GABBR2: variants seen among roughly 807,000 people sequenced by gnomAD.
The protein encoded by GABBR2 is gamma-aminobutyric acid type B receptor subunit 2.
GABBR2 carries 23 observed loss-of-function variants against 105.6 expected under a neutral mutation model. The observed-to-expected ratio is 0.22, with a 90% CI of 0.16 to 0.31. The LOEUF (loss-of-function observed/expected upper bound fraction) is 0.31. GABBR2 is among the 10% of genes least tolerant of loss of function. The pLI, the probability that GABBR2 is intolerant of heterozygous loss-of-function variation, is 1.00. For missense variants in GABBR2, 734 were observed against 1,245.5 expected (o/e 0.59, Z 6.18); for synonymous variants, 478 against 499.7 (o/e 0.96, Z 0.58).
At chr9:98,560,924 T>G (rs1828665814) in intron 2 of GABBR2, among the ~76,000 whole-genome samples, 1 of 151,862 alleles carries the variant, frequency 6.6e-6, no homozygotes, top group South Asian at 2.1e-4. Context: ...TTGGAAAGAA[T>G]GAAATTATCC....
intron 2 of GABBR2, among the ~76,000 whole-genome samples, chr9:98,573,797 C>T (rs923799121): frequency 2.6e-5 from 4 of 152,126 alleles, no homozygotes; most frequent in African/African-American, 7.2e-5. Flanking sequence ...CCTACTCTTG[C>T]CCCCTGGTGA....
intron 3 of GABBR2, among the ~76,000 whole-genome samples, chr9:98,532,561 C>T (rs1256820173): frequency 1.3e-5 from 2 of 152,186 alleles, no homozygotes; most frequent in South Asian, 4.1e-4. Flanking sequence ...GCTCAGCCCT[C>T]CAAGTGTGCT....
At chr9:98,675,456 G>A (rs1830464424) in intron 1 of GABBR2, among the ~76,000 whole-genome samples, 1 of 152,186 alleles carries the variant, frequency 6.6e-6, no homozygotes, top group Non-Finnish European at 1.5e-5. Context: ...GGACACAGGG[G>A]AGGGCCAAGG....
chr9:98,440,336 A>G (rs1433931256), intron 7 of GABBR2, among the ~76,000 whole-genome samples: 1 of 152,216 alleles, frequency 6.6e-6, no homozygotes, highest in Non-Finnish European at 1.5e-5. Flanking sequence ...TGTTTTACAG[A>G]TAAGAAACTG....
In GABBR2 at chr9:98,306,425, T is replaced by G. The variant is rs1588091323; in HGVS notation, c.2005-80A>C. ...CAGGCTGCTCTGAGAAGCTGTGGAG[T>G]GGAGGGTTACTCAGGAGGTGGGCTG... On this transcript the variant is annotated intron_variant, in intron 14 of 18. Transcript: ENST00000259455. This position sits in a 1 kb window ranked among gnomAD's most constrained non-coding sequence, Gnocchi z 5.4. The G allele has an allele frequency of 8.6e-6, 6 of 696,562 alleles. No homozygotes were observed. The highest frequency in any genetic ancestry group is 1.8e-5 in the African/African-American group (1 of 55,620). 43.1% of individuals were successfully genotyped at this position (696,562 alleles called of 1,614,324 possible). A position where few individuals can be genotyped will look rare whatever the true frequency, so the allele number is the denominator to read the frequency against.
chr9:98,613,675 T>G (rs1401868016), intron 1 of GABBR2, among the ~76,000 whole-genome samples: 1 of 152,204 alleles, frequency 6.6e-6, no homozygotes. Flanking sequence ...GGGAAGTAAC[T>G]GCATGCCTGG....
At chr9:98,402,842 A>G (rs1246398532) in intron 8 of GABBR2, among the ~76,000 whole-genome samples, 1 of 152,184 alleles carries the variant, frequency 6.6e-6, no homozygotes, top group African/African-American at 2.4e-5. Flanking sequence ...GGCCTATTCA[A>G]TAATCCATCC....
chr9:98,406,254 G>A, intron 7 of GABBR2, 113 bp from the exon 8 acceptor site: 1 of 577,786 alleles, frequency 1.7e-6, no homozygotes, highest in Non-Finnish European at 3.0e-6. Flanking sequence ...TATTAATACT[G>A]GAGGAAAAAC....
At chr9:98,555,743 TGG>T (rs1486949851) in intron 2 of GABBR2, 2 of 152,332 alleles carry the variant, frequency 1.3e-5, no homozygotes, top group African/African-American at 2.4e-5. Context: ...TCGGGGGTGC[TGG>T]GGCCCCAGCT....
chr9:98,419,767 A>G (rs1459068118), intron 7 of GABBR2, among the ~76,000 whole-genome samples: 1 of 152,104 alleles, frequency 6.6e-6, no homozygotes, highest in Non-Finnish European at 1.5e-5. Context: ...CTTGTTTTGT[A>G]TGGGTGTAGA....
chr9:98,513,575 C>G lies in GABBR2; in HGVS notation c.631-17061G>C, dbSNP rs1271720964. Among the ~76,000 whole-genome samples, 4 of 151,764 alleles carry G rather than the reference C, an allele frequency of 2.6e-5. No individual in the cohort carries two copies. In the East Asian group the frequency reaches 7.7e-4, roughly 29 times the overall value. ...AATTTTACAAAAAAAAAACAAACAA[C>G]CCCATCAAAAAGTGGGCGAAGGATA... On this transcript the variant is annotated intron_variant, in intron 3 of 18. Transcript: ENST00000259455.
At chr9:98,670,024 G>A (rs1269822423) in intron 1 of GABBR2, among the ~76,000 whole-genome samples, 2 of 152,166 alleles carry the variant, frequency 1.3e-5, no homozygotes, top group Non-Finnish European at 2.9e-5. Context: ...AGCAAGCCAC[G>A]TGTGCAGTCT....
chr9:98,303,195 C>T, intron 16 of GABBR2, 46 bp downstream of exon 16: 5 of 1,527,832 alleles, frequency 3.3e-6, no homozygotes, highest in Non-Finnish European at 4.5e-6. Context: ...GTTAGAGGGG[C>T]TTCAGTGGCA....
chr9:98,636,321 T>C (rs1213547717), intron 1 of GABBR2, among the ~76,000 whole-genome samples: 1 of 152,150 alleles, frequency 6.6e-6, no homozygotes, highest in Non-Finnish European at 1.5e-5. Context: ...AGTCTGCCTA[T>C]ACTTTGCAGA....
At position 98,306,608 on chromosome 9, in the gene GABBR2, G is replaced by A. The variant is rs913516165; in HGVS notation, c.2005-263C>T. ...CACCCCTATGACTGGTTCATGCACA[G>A]ACCTGCCCAAGGCTACAGTGGAAGG... On this transcript the variant is annotated intron_variant, in intron 14 of 18. Transcript: ENST00000259455. The surrounding 1 kb of genome is among the most constrained non-coding windows in gnomAD (Gnocchi z 5.4). 5 of 518,852 alleles carry A rather than the reference G, an allele frequency of 9.6e-6. No individual in the cohort carries two copies. The Admixed American group carries it at 1.6e-4, about 17-fold the overall frequency. The allele number at this position is 518,852 out of a possible 1,614,324, so 32.1% of individuals were successfully genotyped here.
intron 12 of GABBR2, among the ~76,000 whole-genome samples, chr9:98,367,054 G>C (rs1201933059): frequency 6.6e-6 from 1 of 152,016 alleles, no homozygotes; most frequent in African/African-American, 2.4e-5. Flanking sequence ...TATGAAATTT[G>C]GAAGCATTAA....
intron 1 of GABBR2, among the ~76,000 whole-genome samples, chr9:98,641,721 T>A (rs1829964987): frequency 6.6e-6 from 1 of 152,210 alleles, no homozygotes; most frequent in African/African-American, 2.4e-5. Context: ...TTTTCATGTT[T>A]CTATGTTGGT....
intron 6 of GABBR2, among the ~76,000 whole-genome samples, chr9:98,469,914 C>T (rs573768146): frequency 2.6e-5 from 4 of 152,174 alleles, no homozygotes; most frequent in South Asian, 2.1e-4. Flanking sequence ...CCATGCTGAC[C>T]GTGGCCCCAA....
chr9:98,404,625 A>G (rs1051718662), intron 8 of GABBR2, among the ~76,000 whole-genome samples: 5 of 151,876 alleles, frequency 3.3e-5, no homozygotes, highest in African/African-American at 1.2e-4. Context: ...TTGGCTAATC[A>G]CCCCGCTAAT....
Sources: gnomAD v4.1 joint callset for allele counts (sites outside exome capture counted in the v4.1 genomes callset) on GRCh38, gnomAD v4.1.1 for gene constraint, Gnocchi (gnomAD v3.1) non-coding constraint, MANE v1.5 for transcripts, NCBI Gene and HGNC (gene_info 2026-07-23, HGNC 2026-07-21) for gene names.